PYROXD2: variants seen among roughly 807,000 people sequenced by gnomAD.
PYROXD2 encodes pyridine nucleotide-disulphide oxidoreductase domain 2.
In PYROXD2, 69 loss-of-function variants were observed where a neutral mutation model predicts 71.1. The observed-to-expected ratio is 0.97, with a 90% confidence interval of 0.80 to 1.19. The LOEUF (loss-of-function observed/expected upper bound fraction) is 1.19, where lower values mean the gene tolerates loss of function less well. Among genes scored for constraint, PYROXD2 ranks in the 50% most tolerant of loss-of-function variants. The pLI is 0.00. For missense variants in PYROXD2, 745 were observed against 748.9 expected (o/e 0.99, Z 0.06); for synonymous variants, 287 against 302.7 (o/e 0.95, Z 0.54).
chr10:98,386,619 C>T (rs1842763807), intron 14 of PYROXD2, among the ~76,000 whole-genome samples: 3 of 151,500 alleles, frequency 2.0e-5, no homozygotes, highest in Non-Finnish European at 2.9e-5. Context: ...TGACGCATCA[C>T]AGCTCACTGC....
At chr10:98,408,956 A>AG (rs1234883311) in intron 2 of PYROXD2, among the ~76,000 whole-genome samples, 1 of 152,204 alleles carries the variant, frequency 6.6e-6, no homozygotes, top group Non-Finnish European at 1.5e-5. Flanking sequence ...AGGCTCACAG[A>AG]GCTGATGAGT....
chr10:98,414,851 CT>C (rs1843939584), intron 1 of PYROXD2, 157 bp downstream of exon 1: 3 of 1,154,312 alleles, frequency 2.6e-6, no homozygotes, highest in Non-Finnish European at 3.5e-6. Flanking sequence ...GATGGAAGGG[CT>C]TTCCATTGCA....
chr10:98,406,009 G>A (rs1181058531), intron 4 of PYROXD2, among the ~76,000 whole-genome samples: 1 of 152,236 alleles, frequency 6.6e-6, no homozygotes, highest in Non-Finnish European at 1.5e-5. Flanking sequence ...GTTTTGGAAA[G>A]ACAATATTCC....
At chr10:98,387,624 G>GTTTTTTT (rs550769911) in intron 13 of PYROXD2, among the ~76,000 whole-genome samples, 1 of 113,010 alleles carries the variant, frequency 8.8e-6, no homozygotes, top group Non-Finnish European at 1.8e-5. Flanking sequence ...TTCTCAAGCT[G>GTTTTTTT]TTTTTTTTTT....
rs549527242 is a variant in PYROXD2 at position 98,397,433 on chromosome 10, C to T, written c.537G>A (p.Ala179=). The change falls in exon 6 of 16, where the codon GCG becomes GCA. Residue 179 remains alanine, a synonymous_variant. Coordinates refer to ENST00000370575, the MANE Select transcript of PYROXD2 (RefSeq NM_032709.3). ...LALAIDPLLD[A]APVDMAAFQH... is the part of the protein sequence containing the mutation. ...GGAAGGCCGCCATGTCCACGGGGGC[C>T]GCATCCAGCAGAGGGTCAATGGCTA... 1.7e-4 allele frequency: 279 copies of T among 1,613,372 alleles called. 2 individuals are homozygous for T. In the South Asian group the frequency reaches 2.4e-3, roughly 14 times the overall value.
At chr10:98,396,708 A>C (rs529536912) in intron 6 of PYROXD2, among the ~76,000 whole-genome samples, 2 of 152,198 alleles carry the variant, frequency 1.3e-5, no homozygotes, top group African/African-American at 4.8e-5. Flanking sequence ...AGCTCCAAGC[A>C]GGCTTTGATC....
At chr10:98,404,440 T>G (rs1466125030) in intron 4 of PYROXD2, among the ~76,000 whole-genome samples, 1 of 152,140 alleles carries the variant, frequency 6.6e-6, no homozygotes, top group Non-Finnish European at 1.5e-5. Flanking sequence ...TTAGTGAAGG[T>G]TTTTCTTTTA....
chr10:98,410,675 C>G (rs1843753674), intron 2 of PYROXD2: 5 of 519,738 alleles, frequency 9.6e-6, no homozygotes, highest in African/African-American at 7.8e-5. Flanking sequence ...TGGAAGCTCC[C>G]TGACTCCCTC....
intron 4 of PYROXD2, 70 bp from the exon 5 acceptor site, chr10:98,400,327 T>TTGTGTTTG: frequency 1.4e-6 from 2 of 1,458,142 alleles, no homozygotes; most frequent in Admixed American, 2.0e-5. Context: ...CTTTCTCCGA[T>TTGTGTTTG]TGTGTTTGTG....
At chr10:98,413,321 CAG>C (rs1352094093) in intron 1 of PYROXD2, among the ~76,000 whole-genome samples, 2 of 152,204 alleles carry the variant, frequency 1.3e-5, no homozygotes, top group Non-Finnish European at 2.9e-5. Flanking sequence ...TTAAACCTAA[CAG>C]TGTTAGCTGT....
intron 11 of PYROXD2, 50 bp from the exon 12 acceptor site, chr10:98,390,804 T>C (rs759230086): frequency 7.2e-6 from 11 of 1,536,178 alleles, no homozygotes; most frequent in Non-Finnish European, 9.7e-6. Context: ...AGGTCCTCCC[T>C]CTACAGCCAG....
At chr10:98,405,446 G>A (rs1843565728) in intron 4 of PYROXD2, among the ~76,000 whole-genome samples, 1 of 152,200 alleles carries the variant, frequency 6.6e-6, no homozygotes, top group Non-Finnish European at 1.5e-5. Flanking sequence ...GGGTCTTTCT[G>A]GAGCCTCAGT....
At chr10:98,390,053 A>T (rs1177616592) in intron 12 of PYROXD2, among the ~76,000 whole-genome samples, 1 of 151,348 alleles carries the variant, frequency 6.6e-6, no homozygotes, top group Admixed American at 6.6e-5. Flanking sequence ...GCCCATACCC[A>T]GTACAGAGTC....
intron 1 of PYROXD2, chr10:98,414,748 T>G: frequency 2.3e-6 from 1 of 443,036 alleles, no homozygotes; most frequent in South Asian, 4.6e-5. Context: ...TTCCTGTCAT[T>G]CTCCATGGGA....
intron 1 of PYROXD2, chr10:98,414,226 G>A (rs1014729121): frequency 6.6e-6 from 1 of 152,104 alleles, no homozygotes; most frequent in African/African-American, 2.4e-5. Flanking sequence ...TGCATGTTGA[G>A]TGCCGTCTGC....
intron 1 of PYROXD2, among the ~76,000 whole-genome samples, chr10:98,412,837 A>G (rs543868558): frequency 2.0e-5 from 3 of 152,248 alleles, no homozygotes; most frequent in Admixed American, 6.5e-5. Flanking sequence ...AACCTTCCCC[A>G]TTAGGAGACA....
Position 98,407,913 on chromosome 10 carries a change from TCTC to T in PYROXD2, c.229_231del (p.Glu77del), listed in dbSNP as rs747742592. On this transcript the variant is annotated inframe_deletion, in exon 3 of 16. Transcript: ENST00000370575. ...CCACATCAGAGCTCACCTGGGATGATCTCCTCAGTGACAGCTGCACCCCCGATC... is the reference window on the plus strand; with the variant it reads ...CCACATCAGAGCTCACCTGGGATGATCTCAGTGACAGCTGCACCCCCGATC... 21 of 1,607,618 alleles carry T rather than the reference TCTC, an allele frequency of 1.3e-5. No individual in the cohort carries two copies. Among genetic ancestry groups the T allele is most frequent in the African/African-American group, 9.4e-5 (7 of 74,788 alleles).
chr10:98,410,738 C>T, intron 2 of PYROXD2: 1 of 695,076 alleles, frequency 1.4e-6, no homozygotes, highest in Non-Finnish European at 2.3e-6. Context: ...AGGAAAGGAG[C>T]CTGTGATGTC....
intron 2 of PYROXD2, among the ~76,000 whole-genome samples, chr10:98,409,273 A>T (rs1843710121): frequency 6.6e-6 from 1 of 152,230 alleles, no homozygotes; most frequent in Non-Finnish European, 1.5e-5. Context: ...CTTCTTTATC[A>T]ATTACTGCTC....
Sources: allele counts gnomAD v4.1 joint callset (sites outside exome capture counted in the v4.1 genomes callset), GRCh38; gene constraint gnomAD v4.1.1; transcripts MANE v1.5; gene names NCBI Gene and HGNC (gene_info 2026-07-23, HGNC 2026-07-21).